PLEKHM3: variants seen among roughly 807,000 people sequenced by gnomAD.
PLEKHM3 encodes pleckstrin homology domain containing M3.
Under a neutral mutation model 81.8 loss-of-function variants are expected in PLEKHM3, and 45 were observed. That is an observed-to-expected ratio of 0.55 (90% CI 0.43 to 0.71). PLEKHM3 has a LOEUF of 0.71. PLEKHM3 is among the 30% of genes least tolerant of loss of function. PLEKHM3 has a pLI of 0.00. For synonymous variants in PLEKHM3, 352 were observed against 356.4 expected (o/e 0.99, Z 0.14); for missense variants, 788 against 924.3 (o/e 0.85, Z 1.91).
At chr2:207,882,474 T>C (rs148979718) in intron 6 of PLEKHM3, among the ~76,000 whole-genome samples, 2,833 of 152,030 alleles carry the variant, frequency 0.019, 32 homozygotes, top group Middle Eastern at 0.065. Context: ...TAGCCGGGCA[T>C]GGTCATGGGT....
chr2:207,985,557 G>A (rs1301159736), intron 2 of PLEKHM3, among the ~76,000 whole-genome samples: 2 of 151,892 alleles, frequency 1.3e-5, no homozygotes, highest in African/African-American at 2.4e-5. Flanking sequence ...TGTTTGCTAT[G>A]AACCCTTTAG....
At chr2:207,838,719 A>T (rs1317046778) in intron 7 of PLEKHM3, among the ~76,000 whole-genome samples, 2 of 152,230 alleles carry the variant, frequency 1.3e-5, no homozygotes, top group Non-Finnish European at 1.5e-5. Context: ...TAATTAATAT[A>T]ATTCTCGAGA....
At chr2:207,889,489 C>A (rs2105868188) in intron 6 of PLEKHM3, among the ~76,000 whole-genome samples, 1 of 121,230 alleles carries the variant, frequency 8.2e-6, no homozygotes, top group Non-Finnish European at 1.8e-5. Context: ...ACACACGGCC[C>A]TAACCAAACC....
intron 7 of PLEKHM3, among the ~76,000 whole-genome samples, chr2:207,830,481 C>T (rs978888701): frequency 4.6e-5 from 7 of 151,730 alleles, no homozygotes; most frequent in South Asian, 2.1e-4. Flanking sequence ...GGCGTGGTGA[C>T]GCATGCCTGT....
intron 6 of PLEKHM3, among the ~76,000 whole-genome samples, chr2:207,883,831 A>G (rs1475191638): frequency 6.6e-6 from 1 of 152,242 alleles, no homozygotes; most frequent in African/African-American, 2.4e-5. Flanking sequence ...ATCCACATAT[A>G]AAAAGAATTA....
Position 207,831,283 on chromosome 2 carries a change from C to T in PLEKHM3, c.2109-2787G>A, listed in dbSNP as rs145090369. Among the ~76,000 whole-genome samples, 10 of 152,336 alleles carry T rather than the reference C, an allele frequency of 6.6e-5. No homozygotes were observed. The East Asian group carries it at 1.9e-3, about 29-fold the overall frequency. On this transcript the variant is annotated intron_variant, in intron 7 of 7. Transcript: ENST00000427836. ...GAGACTCCAAGAGGGCTAGGGATTGCCTACCGGGGACGCAGTGAGTTGGAG... is the reference window on the plus strand; with the variant it reads ...GAGACTCCAAGAGGGCTAGGGATTGTCTACCGGGGACGCAGTGAGTTGGAG...
intron 3 of PLEKHM3, among the ~76,000 whole-genome samples, chr2:207,948,330 C>T (rs1404014349): frequency 6.7e-6 from 1 of 149,100 alleles, no homozygotes. Context: ...ACCAGGACCA[C>T]ACTAGAAACT....
chr2:208,000,551 T>C (rs1476015187), intron 2 of PLEKHM3, among the ~76,000 whole-genome samples: 1 of 152,208 alleles, frequency 6.6e-6, no homozygotes, highest in Non-Finnish European at 1.5e-5. Flanking sequence ...CTTGAGTCTT[T>C]GCTGGTGTTG....
chr2:208,008,735 T>C (rs1481317260), intron 1 of PLEKHM3, among the ~76,000 whole-genome samples: 2 of 152,234 alleles, frequency 1.3e-5, no homozygotes, highest in Non-Finnish European at 2.9e-5. Flanking sequence ...GGGTACCACA[T>C]TCACTGAAGT....
At chr2:207,953,257 C>G (rs1690394635) in intron 3 of PLEKHM3, among the ~76,000 whole-genome samples, 1 of 152,194 alleles carries the variant, frequency 6.6e-6, no homozygotes, top group African/African-American at 2.4e-5. Context: ...CTTTAAGTCC[C>G]TTCATAGTGA....
intron 7 of PLEKHM3, among the ~76,000 whole-genome samples, chr2:207,837,631 C>CTTTT (rs2092326560): frequency 4.7e-5 from 3 of 63,230 alleles, no homozygotes; most frequent in South Asian, 4.8e-4. Context: ...AATAGTTCTC[C>CTTTT]CTTTTTTTTT....
intron 1 of PLEKHM3, among the ~76,000 whole-genome samples, chr2:208,007,139 C>A (rs981605906): frequency 6.6e-6 from 1 of 152,214 alleles, no homozygotes; most frequent in African/African-American, 2.4e-5. Flanking sequence ...GGGGCCATAT[C>A]ATTTTAGAAG....
intron 4 of PLEKHM3, among the ~76,000 whole-genome samples, chr2:207,945,332 C>A (rs529117428): frequency 6.6e-5 from 10 of 152,260 alleles, no homozygotes; most frequent in African/African-American, 2.2e-4. Flanking sequence ...ATTTTGATAG[C>A]CACTAAGCCT....
chr2:207,984,320 C>T (rs547024152), intron 2 of PLEKHM3, among the ~76,000 whole-genome samples: 1 of 152,174 alleles, frequency 6.6e-6, no homozygotes, highest in Non-Finnish European at 1.5e-5. Flanking sequence ...ATACTTTTTT[C>T]ACACCCAACA....
At chr2:208,020,951 A>G (rs1693111574) in intron 1 of PLEKHM3, among the ~76,000 whole-genome samples, 1 of 152,208 alleles carries the variant, frequency 6.6e-6, no homozygotes, top group Non-Finnish European at 1.5e-5. Flanking sequence ...ATCCTAAAAA[A>G]ACTGCCCAGT....
chr2:207,972,767 T>G (rs1027223833), intron 3 of PLEKHM3, among the ~76,000 whole-genome samples: 4 of 152,138 alleles, frequency 2.6e-5, no homozygotes, highest in African/African-American at 9.7e-5. Context: ...AACCATAACC[T>G]CAGGCATTTT....
At position 207,826,237 on chromosome 2, in the gene PLEKHM3, C is replaced by T. The variant is rs956753351; in HGVS notation, c.*2082G>A. ...TTATAATAAGCAGGTCTATAATTCT[C>T]TTGTGAAAGATCATGTTCTGCTATC... On this transcript the variant is annotated 3_prime_UTR_variant, in exon 8 of 8. Transcript: ENST00000427836. 3 of 152,158 alleles carry T rather than the reference C, an allele frequency of 2.0e-5. No homozygotes were observed. The highest frequency in any genetic ancestry group is 2.0e-4 in the Admixed American group (3 of 15,276). The allele number at this position is 152,158 out of a possible 1,614,324, so 9.4% of individuals were successfully genotyped here.
chr2:207,879,976 G>T (rs974602866), intron 6 of PLEKHM3, among the ~76,000 whole-genome samples: 3 of 152,086 alleles, frequency 2.0e-5, no homozygotes, highest in Admixed American at 6.5e-5. Context: ...GTCAGGAAGT[G>T]GCTCTGTAAT....
At chr2:207,980,412 GA>G (rs1691479874) in intron 2 of PLEKHM3, among the ~76,000 whole-genome samples, 1 of 152,038 alleles carries the variant, frequency 6.6e-6, no homozygotes, top group South Asian at 2.1e-4. Flanking sequence ...TGCAGAAGAA[GA>G]AAAAATGCAC....
Sources: gnomAD v4.1 joint callset for allele counts (sites outside exome capture counted in the v4.1 genomes callset) on GRCh38, gnomAD v4.1.1 for gene constraint, MANE v1.5 for transcripts, NCBI Gene and HGNC (gene_info 2026-07-23, HGNC 2026-07-21) for gene names.